The following TTLL9 variants were observed in gnomAD, a reference collection of about 807,000 sequenced individuals.
TTLL9 encodes probable tubulin polyglutamylase TTLL9.
Under a neutral mutation model 65.6 loss-of-function variants are expected in TTLL9, and 47 were observed. The ratio of observed to expected loss-of-function variants is 0.72; its 90% confidence interval spans 0.57 to 0.91. The LOEUF is 0.91. Among genes scored for constraint, TTLL9 ranks in the 40% least tolerant of loss-of-function variants. The pLI is 0.00. For missense variants in TTLL9, 537 were observed against 568.8 expected (o/e 0.94, Z 0.57); for synonymous variants, 179 against 204.8 (o/e 0.87, Z 1.07).
At position 31,887,244 on chromosome 20, in the gene TTLL9, G is replaced by C. The variant is rs1423012022; in HGVS notation, c.113+5G>C. ...ATTGTCAAAGGGAAAAGAGCGGTGA[G>C]TGGTCCCATCCAATCCAACAATCAC... On this transcript the variant is annotated splice_donor_5th_base_variant and intron_variant, in intron 3 of 14. Transcript: ENST00000535842. 1 of 1,614,158 alleles carries C rather than the reference G, an allele frequency of 6.2e-7. No homozygotes were observed. The highest frequency in any genetic ancestry group is 1.7e-5 in the Admixed American group (1 of 60,014).
At position 31,893,803 on chromosome 20, in the gene TTLL9, T is replaced by C. The variant is rs1600543860; in HGVS notation, c.114-4670T>C. The stretch of plus-strand genomic sequence containing the variant: ...TCTGTGAGTTGATAATTTAATCAAA[T>C]TTGGAAAATTTTTTAGCCATCATTT... On this transcript the variant is annotated intron_variant, in intron 3 of 14. Coordinates refer to ENST00000535842, the MANE Select transcript of TTLL9 (RefSeq NM_001008409.5). Among the ~76,000 whole-genome samples, 3 of 152,082 alleles carry C rather than the reference T, an allele frequency of 2.0e-5. No homozygotes were observed. In the East Asian group the frequency reaches 5.8e-4, roughly 29 times the overall value.
intron 3 of TTLL9, among the ~76,000 whole-genome samples, chr20:31,896,056 T>C (rs990567065): frequency 1.3e-5 from 2 of 151,894 alleles, no homozygotes; most frequent in Non-Finnish European, 2.9e-5. Context: ...TCCAGGCTGG[T>C]CTGGAACTCC....
intron 7 of TTLL9, among the ~76,000 whole-genome samples, chr20:31,920,911 T>C (rs1600596185): frequency 6.6e-6 from 1 of 152,230 alleles, no homozygotes; most frequent in Non-Finnish European, 1.5e-5. Context: ...AAGGGGACAA[T>C]AGGTGGGAGA....
intron 3 of TTLL9, among the ~76,000 whole-genome samples, chr20:31,894,334 G>T (rs2063352933): frequency 6.6e-6 from 1 of 151,852 alleles, no homozygotes; most frequent in Non-Finnish European, 1.5e-5. Context: ...GAACTCCTGG[G>T]TGATCCTGCC....
At chr20:31,901,844 C>T (rs2063484468) in intron 4 of TTLL9, among the ~76,000 whole-genome samples, 1 of 152,156 alleles carries the variant, frequency 6.6e-6, no homozygotes, top group African/African-American at 2.4e-5. Flanking sequence ...CGTGGCGGCT[C>T]ACTTCACAAT....
Position 31,879,734 on chromosome 20 carries a change from A to G in TTLL9, c.70-7462A>G, listed in dbSNP as rs547154045. 124 of 1,363,860 alleles carry G rather than the reference A, an allele frequency of 9.1e-5. No homozygotes were observed. The Middle Eastern group carries it at 3.5e-3, about 38-fold the overall frequency. The allele number at this position is 1,363,860 out of a possible 1,614,324, so 84.5% of individuals were successfully genotyped here. On this transcript the variant is annotated intron_variant, in intron 2 of 14. Transcript: ENST00000535842. ...TAGCCTCCAGAGGTTCTGGTGGACC[A>G]GAGCCTGCGCACTCCGCCGAGAGCA...
chr20:31,887,742 G>A (rs544885352), intron 3 of TTLL9, among the ~76,000 whole-genome samples: 3 of 152,356 alleles, frequency 2.0e-5, no homozygotes, highest in African/African-American at 7.2e-5. Flanking sequence ...TTGCACAAAG[G>A]AGGAGTGAGC....
At chr20:31,918,992 G>GGGTGGGCCA in intron 6 of TTLL9, among the ~76,000 whole-genome samples, 1 of 152,250 alleles carries the variant, frequency 6.6e-6, no homozygotes. Context: ...AGAGAGCCTC[G>GGGTGGGCCA]GGTGGGCCAG....
chr20:31,911,905 C>G (rs1246351656), intron 6 of TTLL9, among the ~76,000 whole-genome samples: 3 of 150,664 alleles, frequency 2.0e-5, no homozygotes, highest in African/African-American at 4.9e-5. Context: ...GGCACCCTGT[C>G]TCGGGTGGAG....
intron 3 of TTLL9, among the ~76,000 whole-genome samples, chr20:31,892,743 C>T (rs990250751): frequency 5.9e-5 from 9 of 152,148 alleles, no homozygotes; most frequent in African/African-American, 2.2e-4. Context: ...GACCACACTT[C>T]ACAACCTATG....
At chr20:31,883,883 A>G (rs1194729258) in intron 2 of TTLL9, 4 of 406,618 alleles carry the variant, frequency 9.8e-6, no homozygotes, top group Non-Finnish European at 1.8e-5. Context: ...CAGGAGCAAG[A>G]TAAGGATGTC....
At chr20:31,885,843 G>C (rs1161904637) in intron 2 of TTLL9, among the ~76,000 whole-genome samples, 1 of 152,168 alleles carries the variant, frequency 6.6e-6, no homozygotes, top group Non-Finnish European at 1.5e-5. Context: ...TCCATCATAG[G>C]TGACTTGGAG....
At chr20:31,938,176 C>G (rs1046542216) in intron 13 of TTLL9, 1 of 450,802 alleles carries the variant, frequency 2.2e-6, no homozygotes. Flanking sequence ...CCGATTATTC[C>G]AGCAGAAGTT....
chr20:31,926,232 C>G, intron 10 of TTLL9, 141 bp downstream of exon 10: 1 of 662,834 alleles, frequency 1.5e-6, no homozygotes. Flanking sequence ...GCCTAACATT[C>G]ACATTTACTT....
chr20:31,925,679 C>G (rs1267587687), intron 9 of TTLL9, among the ~76,000 whole-genome samples: 1 of 152,108 alleles, frequency 6.6e-6, no homozygotes, highest in Non-Finnish European at 1.5e-5. Context: ...CCTTCTGTAT[C>G]CCCCTCCACC....
In TTLL9 at chr20:31,909,939, AG is replaced by A. The variant is rs1372843029; in HGVS notation, c.504+21del. The A allele has an allele frequency of 1.3e-6, 1 of 796,440 alleles. No individual in the cohort carries two copies. Among genetic ancestry groups the A allele is most frequent in the Non-Finnish European group, 2.1e-6 (1 of 487,718 alleles). 49.3% of individuals were successfully genotyped at this position (796,440 alleles called of 1,614,324 possible). On this transcript the variant is annotated intron_variant, in intron 6 of 14. Transcript: ENST00000535842. Reference sequence around the variant, plus strand: ...ATGAAGCCTGTGAGTGCCCAGTGCCAGGGGCTGGGTGGGAGGGAATGAGTCC... The same window carrying A: ...ATGAAGCCTGTGAGTGCCCAGTGCCAGGGCTGGGTGGGAGGGAATGAGTCC...
At chr20:31,934,645 CCTGA>C in intron 11 of TTLL9, 43 bp from the exon 12 acceptor site, 1 of 1,542,974 alleles carries the variant, frequency 6.5e-7, no homozygotes, top group Admixed American at 1.9e-5. Flanking sequence ...CAGGCCAGGT[CCTGA>C]CTAACTGAGG....
chr20:31,900,886 G>C (rs769146626), intron 4 of TTLL9, among the ~76,000 whole-genome samples: 10 of 152,198 alleles, frequency 6.6e-5, no homozygotes, highest in Non-Finnish European at 1.5e-4. Flanking sequence ...CAGGGGAAGA[G>C]AGTCTGAGGA....
intron 10 of TTLL9, among the ~76,000 whole-genome samples, chr20:31,927,388 T>C (rs946602439): frequency 4.9e-5 from 7 of 144,006 alleles, no homozygotes; most frequent in African/African-American, 1.8e-4. Context: ...GGCTGAGGCA[T>C]GAGAATCCCT....
Sources: gnomAD v4.1 joint callset for allele counts (sites outside exome capture counted in the v4.1 genomes callset) on GRCh38, gnomAD v4.1.1 for gene constraint, MANE v1.5 for transcripts, NCBI Gene and HGNC (gene_info 2026-07-23, HGNC 2026-07-21) for gene names.